The following AKR1E2 variants were observed in gnomAD, a reference collection of about 807,000 sequenced individuals.
The protein encoded by AKR1E2 is aldo-keto reductase family 1 member E2, also known as 1,5-anhydro-D-fructose reductase.
AKR1E2 carries 43 observed loss-of-function variants against 41.9 expected under a neutral mutation model. The ratio of observed to expected loss-of-function variants is 1.03; its 90% CI spans 0.80 to 1.32. The LOEUF (loss-of-function observed/expected upper bound fraction) is 1.32. AKR1E2 is among the 40% of genes most tolerant of loss of function. AKR1E2 has a pLI of 0.00. For missense variants in AKR1E2, 423 were observed against 396.5 expected (o/e 1.07, Z -0.57); for synonymous variants, 121 against 138.9 (o/e 0.87, Z 0.91).
chr10:4,826,082 G>C (rs143761184), upstream of AKR1E2: 2,799 of 393,256 alleles, frequency 7.1e-3, 22 homozygotes, highest in Middle Eastern at 0.019. Context: ...AGCTGGCTCT[G>C]CGCCTCCAGC....
At chr10:4,854,216 C>A in the AKR1E2 span, among the ~76,000 whole-genome samples, 3 of 151,776 alleles carry the variant, frequency 2.0e-5, no homozygotes, top group African/African-American at 4.8e-5. Context: ...GCCTCAGCCT[C>A]CCGAGTATCT....
At chr10:4,847,030 T>G in intron 8 of AKR1E2, 118 bp from the exon 9 acceptor site, 2 of 1,083,416 alleles carry the variant, frequency 1.8e-6, no homozygotes, top group South Asian at 1.6e-5. Flanking sequence ...TCTGATGAAG[T>G]GTTTGTTTTA....
At chr10:4,860,622 C>G in the AKR1E2 span, among the ~76,000 whole-genome samples, 68 of 152,258 alleles carry the variant, frequency 4.5e-4, no homozygotes, top group African/African-American at 1.6e-3. Flanking sequence ...TACTGCTTTA[C>G]TAATACGATG....
chr10:4,837,092 A>G (rs1833488974), intron 4 of AKR1E2, among the ~76,000 whole-genome samples: 1 of 152,246 alleles, frequency 6.6e-6, no homozygotes, highest in Non-Finnish European at 1.5e-5. Flanking sequence ...TGCTTGCCAG[A>G]CATCAGGAGG....
chr10:4,845,391 C>T (rs1834254384), intron 8 of AKR1E2, among the ~76,000 whole-genome samples: 1 of 151,878 alleles, frequency 6.6e-6, no homozygotes, highest in Non-Finnish European at 1.5e-5. Context: ...TGAAGGGCTC[C>T]TCAAGTGCCG....
the AKR1E2 span, among the ~76,000 whole-genome samples, chr10:4,865,896 A>C: frequency 2.0e-5 from 3 of 152,166 alleles, no homozygotes; most frequent in African/African-American, 7.2e-5. Flanking sequence ...ATCATTATTC[A>C]TTTGGAATTC....
the AKR1E2 span, among the ~76,000 whole-genome samples, chr10:4,853,423 G>T: frequency 3.5e-3 from 521 of 147,368 alleles, 5 homozygotes; most frequent in Non-Finnish European, 5.8e-3. Context: ...TTGCAATATT[G>T]CAATGAGGAA....
chr10:4,857,332 A>G, the AKR1E2 span, among the ~76,000 whole-genome samples: 39,199 of 151,934 alleles, frequency 0.26, 5,249 homozygotes, highest in Middle Eastern at 0.37. Context: ...GTTTAACACC[A>G]TCCCCCACTT....
At chr10:4,849,299 A>T (rs2131581695), downstream of AKR1E2, among the ~76,000 whole-genome samples, 1 of 151,586 alleles carries the variant, frequency 6.6e-6, no homozygotes, top group South Asian at 2.1e-4. Flanking sequence ...CATGTTCGTG[A>T]CTCCTTATCA....
chr10:4,868,028 T>C, the AKR1E2 span, among the ~76,000 whole-genome samples: 7 of 152,052 alleles, frequency 4.6e-5, no homozygotes, highest in Admixed American at 1.3e-4. Flanking sequence ...GACTGGATCG[T>C]TGGGGGTTTG....
At chr10:4,840,121 C>A (rs1833755643) in intron 6 of AKR1E2, among the ~76,000 whole-genome samples, 1 of 152,060 alleles carries the variant, frequency 6.6e-6, no homozygotes, top group Non-Finnish European at 1.5e-5. Flanking sequence ...GTGTCAGCCC[C>A]CTTCTGACCT....
chr10:4,832,602 A>G (rs7475463), intron 2 of AKR1E2, among the ~76,000 whole-genome samples: 15,652 of 152,294 alleles, frequency 0.1, 902 homozygotes, highest in Middle Eastern at 0.14. Flanking sequence ...TAAATCACAC[A>G]TATAAGCACC....
the AKR1E2 span, among the ~76,000 whole-genome samples, chr10:4,861,901 A>G: frequency 0.26 from 39,209 of 151,878 alleles, 5,268 homozygotes; most frequent in Middle Eastern, 0.37. Context: ...TCTGATGGTA[A>G]TTTCTTTTGC....
At chr10:4,856,501 A>G in the AKR1E2 span, among the ~76,000 whole-genome samples, 1 of 152,198 alleles carries the variant, frequency 6.6e-6, no homozygotes, top group African/African-American at 2.4e-5. Flanking sequence ...ATTTATCTAT[A>G]AGGTTTTATT....
Position 4,839,586 on chromosome 10 carries a change from C to T in AKR1E2, c.583-143C>T, listed in dbSNP as rs114230657. ...TCTTGGAGATTGCTCTGTCCAGACT[C>T]CTCACAACAGAAACACTTAGGCCTG... On this transcript the variant is annotated intron_variant, in intron 5 of 9. Coordinates refer to ENST00000298375, the MANE Select transcript of AKR1E2 (RefSeq NM_001040177.3). The T allele has an allele frequency of 2.1e-3, 1,486 of 709,368 alleles. 16 individuals carry two copies. In the African/African-American group the frequency reaches 0.024, roughly 11 times the overall value. The allele number at this position is 709,368 out of a possible 1,614,324, so 43.9% of individuals were successfully genotyped here.
intron 5 of AKR1E2, among the ~76,000 whole-genome samples, chr10:4,839,459 G>T (rs1238887133): frequency 6.6e-6 from 1 of 152,208 alleles, no homozygotes; most frequent in Non-Finnish European, 1.5e-5. Context: ...ATCTTTATCT[G>T]AGTGCTCAGG....
At chr10:4,850,518 C>A (rs1241130084), downstream of AKR1E2, among the ~76,000 whole-genome samples, 1 of 152,130 alleles carries the variant, frequency 6.6e-6, no homozygotes, top group Non-Finnish European at 1.5e-5. Context: ...TGAGAAACTG[C>A]CAACTGTTTC....
In AKR1E2 at chr10:4,847,812, TTTA is replaced by T. The variant is rs1422649695; in HGVS notation, c.*284_*286del. ...ATTTGCCTTCACATTTTAAGAAAAC[TTTA>T]TCTTATGGAGTTATTTAAGCCATCT... On this transcript the variant is annotated 3_prime_UTR_variant, in exon 10 of 10. Coordinates refer to ENST00000298375, the MANE Select transcript of AKR1E2 (RefSeq NM_001040177.3). 2.2e-6 allele frequency: 1 copy of T among 452,250 alleles called. No individual in the cohort carries two copies. The highest frequency in any genetic ancestry group is 4.0e-5 in the Admixed American group (1 of 25,248). 28.0% of individuals were successfully genotyped at this position (452,250 alleles called of 1,614,324 possible). A position where few individuals can be genotyped will look rare whatever the true frequency, so the allele number is the denominator to read the frequency against.
the AKR1E2 span, among the ~76,000 whole-genome samples, chr10:4,859,474 G>C: frequency 6.6e-6 from 1 of 152,184 alleles, no homozygotes; most frequent in Non-Finnish European, 1.5e-5. Context: ...AGTCAGAAAT[G>C]CAAACAAAAT....
Sources: gnomAD v4.1 joint callset for allele counts (sites outside exome capture counted in the v4.1 genomes callset) on GRCh38, gnomAD v4.1.1 for gene constraint, MANE v1.5 for transcripts, NCBI Gene and HGNC (gene_info 2026-07-23, HGNC 2026-07-21) for gene names.